The following TCF4 variants were observed in gnomAD, a reference collection of about 807,000 sequenced individuals.
The protein encoded by TCF4 is transcription factor 4.
TCF4 carries 3 observed loss-of-function variants against 82.1 expected under a neutral mutation model. The ratio of observed to expected loss-of-function variants is 0.04; its 90% CI spans 0.02 to 0.09. The LOEUF (loss-of-function observed/expected upper bound fraction) is 0.09, where lower values mean the gene tolerates loss of function less well. Ranked by LOEUF, TCF4 falls within the 10% of genes least tolerant of loss-of-function variation. The pLI, the probability that TCF4 is intolerant of heterozygous loss-of-function variation, is 1.00. For synonymous variants in TCF4, 276 were observed against 309.6 expected, an observed-to-expected ratio of 0.89 and a Z score of 1.14; for missense variants, 518 against 852.7, an observed-to-expected ratio of 0.61 and a Z score of 4.89.
chr18:55,523,474 G>T (rs1035540505), intron 3 of TCF4, among the ~76,000 whole-genome samples: 13 of 151,718 alleles, frequency 8.6e-5, no homozygotes, highest in African/African-American at 3.1e-4. Context: ...ATAACAATAA[G>T]TATGAATTTA....
chr18:55,471,252 G>A (rs1490547535), intron 3 of TCF4, among the ~76,000 whole-genome samples: 1 of 152,180 alleles, frequency 6.6e-6, no homozygotes, highest in African/African-American at 2.4e-5. Flanking sequence ...GTCCACACAA[G>A]CATGATTGTT....
chr18:55,431,791 T>G (rs4801152), intron 5 of TCF4, among the ~76,000 whole-genome samples: 145,465 of 152,132 alleles, frequency 0.96, 69,922 homozygotes, highest in East Asian at 1. Context: ...GTGTTTCTTC[T>G]ATTTCAATAA....
In TCF4 at chr18:55,261,576, C is replaced by T. The variant is rs35918540; in HGVS notation, c.923-43G>A. ...AGAATATGAAAACCAGGCAGTGAGACGTCTAACAATTTTCTATTCCTGGTC... is the reference window on the plus strand; with the variant it reads ...AGAATATGAAAACCAGGCAGTGAGATGTCTAACAATTTTCTATTCCTGGTC... On this transcript the variant is annotated intron_variant, in intron 11 of 19. Transcript: ENST00000354452. The T allele has an allele frequency of 0.033, 53,010 of 1,607,770 alleles. 1,052 individuals carry two copies. The highest frequency in any genetic ancestry group is 0.04 in the Non-Finnish European group (46,783 of 1,174,394).
intron 5 of TCF4, among the ~76,000 whole-genome samples, chr18:55,447,865 G>C (rs2095552921): frequency 6.6e-6 from 1 of 151,990 alleles, no homozygotes; most frequent in Admixed American, 6.6e-5. Context: ...TACAACCAAA[G>C]CCAAAAACTG....
At chr18:55,350,309 A>G (rs763223219) in intron 8 of TCF4, 50 bp downstream of exon 8, 1 of 1,582,634 alleles carries the variant, frequency 6.3e-7, no homozygotes, top group Non-Finnish European at 8.7e-7. Context: ...CCATCAATAC[A>G]AAACAGAACA....
intron 15 of TCF4, among the ~76,000 whole-genome samples, chr18:55,236,900 T>A (rs529441601): frequency 6.6e-6 from 1 of 152,244 alleles, no homozygotes; most frequent in African/African-American, 2.4e-5. Context: ...GATTTGAGCA[T>A]AGAGGAGAAG....
At chr18:55,236,045 T>C (rs1206551684) in intron 15 of TCF4, among the ~76,000 whole-genome samples, 1 of 146,226 alleles carries the variant, frequency 6.8e-6, no homozygotes, top group East Asian at 2.0e-4. Context: ...TCCTGAAGTA[T>C]GCCATTTTTA....
At chr18:55,279,280 A>C (rs1389010441) in intron 9 of TCF4, among the ~76,000 whole-genome samples, 2 of 152,234 alleles carry the variant, frequency 1.3e-5, no homozygotes, top group African/African-American at 4.8e-5. Context: ...GTTGGTCATG[A>C]GTGGAAGACC....
chr18:55,259,851 G>T, intron 13 of TCF4, 98 bp downstream of exon 13: 2 of 1,010,360 alleles, frequency 2.0e-6, no homozygotes, highest in Non-Finnish European at 3.2e-6. Flanking sequence ...TTTGGGATTT[G>T]GGGGGAAGTG....
intron 5 of TCF4, among the ~76,000 whole-genome samples, chr18:55,416,222 T>C (rs2094521375): frequency 6.6e-6 from 1 of 152,172 alleles, no homozygotes; most frequent in African/African-American, 2.4e-5. Flanking sequence ...TTTTCCAAGC[T>C]TGTTGAAACA....
At chr18:55,579,301 A>C (rs913585731) in intron 3 of TCF4, among the ~76,000 whole-genome samples, 13 of 151,848 alleles carry the variant, frequency 8.6e-5, no homozygotes, top group Non-Finnish European at 1.5e-4. Flanking sequence ...CCTGGTGGTC[A>C]GTTGTGAAAA....
chr18:55,635,588 A>C, intron 1 of TCF4: 2 of 1,313,976 alleles, frequency 1.5e-6, no homozygotes, highest in Non-Finnish European at 1.0e-6. Flanking sequence ...GATGTCAGGG[A>C]GAGAGGTTAG....
At chr18:55,611,414 C>T (rs769354055) in intron 2 of TCF4, among the ~76,000 whole-genome samples, 1 of 152,122 alleles carries the variant, frequency 6.6e-6, no homozygotes. Context: ...GCTACCCTGC[C>T]AAGGCCAATT....
intron 6 of TCF4, among the ~76,000 whole-genome samples, chr18:55,390,286 T>TAAAAAAAAAAAAAAAAAA (rs56965997): frequency 2.2e-4 from 18 of 82,198 alleles, no homozygotes; most frequent in East Asian, 8.2e-4. Context: ...CCCTGACTCT[T>TAAAAAAAAAAAAAAAAAA]AAAAAAAAAA....
intron 8 of TCF4, among the ~76,000 whole-genome samples, chr18:55,312,559 T>C (rs1033282890): frequency 2.6e-5 from 4 of 152,154 alleles, no homozygotes; most frequent in African/African-American, 9.7e-5. Context: ...GTCTAGAGGT[T>C]AGGATATCAT....
At chr18:55,528,721 T>A (rs2097022076) in intron 3 of TCF4, among the ~76,000 whole-genome samples, 1 of 152,228 alleles carries the variant, frequency 6.6e-6, no homozygotes, top group African/African-American at 2.4e-5. Context: ...CTCCAAGGAA[T>A]TTATGTCTCT....
chr18:55,491,717 G>A lies in TCF4; in HGVS notation c.146-27580C>T, dbSNP rs1012112151. The stretch of plus-strand genomic sequence containing the variant: ...CTTAACTAATAGTTTAATGGGCTCC[G>A]TTTACACCTTGATGTTAAAGCATGT... On this transcript the variant is annotated intron_variant, in intron 3 of 19. Transcript: ENST00000354452. Among the ~76,000 whole-genome samples the A allele has an allele frequency of 6.6e-5, 10 of 152,108 alleles. No individual in the cohort carries two copies. In the South Asian group the frequency reaches 1.4e-3, roughly 22 times the overall value.
chr18:55,621,509 AT>A (rs2097718526), intron 2 of TCF4, among the ~76,000 whole-genome samples: 1 of 112 alleles, frequency 8.9e-3, no homozygotes, highest in Non-Finnish European at 0.016. Flanking sequence ...TACATTATAT[AT>A]ATATTATATA....
intron 15 of TCF4, among the ~76,000 whole-genome samples, chr18:55,250,627 T>C (rs541510503): frequency 1.2e-4 from 19 of 152,292 alleles, no homozygotes; most frequent in East Asian, 1.2e-3. Context: ...CACTGGGCTG[T>C]TGTGAAGACT....
Sources: gnomAD v4.1 joint callset for allele counts (sites outside exome capture counted in the v4.1 genomes callset) on GRCh38, gnomAD v4.1.1 for gene constraint, MANE v1.5 for transcripts, NCBI Gene and HGNC (gene_info 2026-07-23, HGNC 2026-07-21) for gene names.